FKRP: variants seen among roughly 807,000 people sequenced by gnomAD.
FKRP encodes fukutin related protein.
FKRP carries 25 observed loss-of-function variants against 30.6 expected under a neutral mutation model. That is an observed-to-expected ratio of 0.82 (90% CI 0.60 to 1.14). The LOEUF is 1.14. Ranked by LOEUF, FKRP falls within the 50% of genes most tolerant of loss-of-function variation. The pLI, the probability that FKRP is intolerant of heterozygous loss-of-function variation, is 0.00. For missense variants in FKRP, 771 were observed against 727.8 expected (o/e 1.06, Z -0.68); for synonymous variants, 358 against 342.5 (o/e 1.05, Z -0.50).
In FKRP at chr19:46,752,738, G is replaced by T. The variant is rs180745475; in HGVS notation, c.-39-2674G>T. 1.7e-3 allele frequency among the ~76,000 whole-genome samples: 257 copies of T among 152,280 alleles called. 1 individual carries two copies. The highest frequency in any genetic ancestry group is 5.5e-3 in the African/African-American group (229 of 41,554). The stretch of plus-strand genomic sequence containing the variant: ...AAATTAGCCAGGCACAGTATTGCAT[G>T]CCTGTAGTCCCAGCTACTCGGGAGA... On this transcript the variant is annotated intron_variant, in intron 3 of 3. Coordinates refer to ENST00000318584, the MANE Select transcript of FKRP (RefSeq NM_024301.5).
Position 46,750,491 on chromosome 19 carries a change from G to C in FKRP, c.-40+1826G>C, listed in dbSNP as rs139122383. Among the ~76,000 whole-genome samples the C allele has an allele frequency of 2.8e-3, 419 of 152,282 alleles. 5 individuals carry two copies. Among genetic ancestry groups the C allele is most frequent in the African/African-American group, 9.5e-3 (393 of 41,566 alleles). ...CTCAGAAGCGGAGACCTCGGTTCTCGACCCTGCATCCTTCTTATCTCTCTG... is the reference window on the plus strand; with the variant it reads ...CTCAGAAGCGGAGACCTCGGTTCTCCACCCTGCATCCTTCTTATCTCTCTG... On this transcript the variant is annotated intron_variant, in intron 3 of 3. Transcript: ENST00000318584.
In FKRP at chr19:46,756,126, A is replaced by T. The variant is rs2054913817; in HGVS notation, c.676A>T (p.Thr226Ser). The change falls in exon 4 of 4, where the codon ACC (threonine) becomes TCC (serine). Residue 226 changes from threonine (T) to serine (S), a missense_variant. Coordinates refer to ENST00000318584, the MANE Select transcript of FKRP (RefSeq NM_024301.5). This position sits in a 1 kb window ranked among gnomAD's most constrained non-coding sequence, Gnocchi z 6.6. ...RPVGTSLFLQ[T>S]ALRGWAVQLL... ...GGTGGGCACCAGCCTCTTTCTGCAG[A>T]CCGCCCTTCGCGGCTGGGCGGTGCA... 6.6e-7 allele frequency: 1 copy of T among 1,512,228 alleles called. No individual in the cohort carries two copies. The highest frequency in any genetic ancestry group is 8.8e-7 in the Non-Finnish European group (1 of 1,140,794). 93.7% of individuals were successfully genotyped at this position (1,512,228 alleles called of 1,614,324 possible).
At chr19:46,753,612 G>A (rs1357772979) in intron 3 of FKRP, among the ~76,000 whole-genome samples, 2 of 151,842 alleles carry the variant, frequency 1.3e-5, no homozygotes, top group Non-Finnish European at 2.9e-5. Context: ...TTCTCCCCTG[G>A]GCACTGGGAG....
Position 46,757,228 on chromosome 19 carries a change from C to G in FKRP, c.*290C>G. 1 of 545,116 alleles carries G rather than the reference C, an allele frequency of 1.8e-6. No individual in the cohort carries two copies. Among genetic ancestry groups the G allele is most frequent in the East Asian group, 3.3e-5 (1 of 29,920 alleles). 33.8% of individuals were successfully genotyped at this position (545,116 alleles called of 1,614,324 possible). ...GTCATGGAGGGAGACGGGGATGTCA[C>G]GCCGTCCCGCAGGGCCCAGCACAGC... is the stretch of plus-strand genomic sequence containing the variant. On this transcript the variant is annotated 3_prime_UTR_variant, in exon 4 of 4. Transcript: ENST00000318584.
Position 46,755,749 on chromosome 19 carries a change from G to T in FKRP, c.299G>T (p.Arg100Leu). Residue 100 changes from arginine to leucine, a missense_variant, in exon 4 of 4, where the codon CGT becomes CTT. Transcript: ENST00000318584. ...PLALPRIPNV[R>L]LALLQPALDR... ...GCCCTGCCCCGCATCCCCAACGTGC[G>T]TCTGGCGCTGCTCCAGCCCGCCCTG... is the stretch of plus-strand genomic sequence containing the variant. 1 of 1,551,996 alleles carries T rather than the reference G, an allele frequency of 6.4e-7. No homozygotes were observed. Among genetic ancestry groups the T allele is most frequent in the Non-Finnish European group, 8.7e-7 (1 of 1,155,582 alleles).
At position 46,756,429 on chromosome 19, in the gene FKRP, C is replaced by T. The variant is rs867877678; in HGVS notation, c.979C>T (p.Arg327Cys). ...CCLRALRETA[R>C]YVVGVLEAAG... Reference sequence around the variant, plus strand: ...CCTGCGCGCGCTGCGCGAGACCGCCCGCTATGTGGTGGGCGTGCTGGAGGC... The same window carrying T: ...CCTGCGCGCGCTGCGCGAGACCGCCTGCTATGTGGTGGGCGTGCTGGAGGC... Residue 327 changes from arginine to cysteine, a missense_variant, in exon 4 of 4, where the codon CGC becomes TGC. Transcript: ENST00000318584. This position sits in a 1 kb window ranked among gnomAD's most constrained non-coding sequence, Gnocchi z 6.6. 2 of 1,583,126 alleles carry T rather than the reference C, an allele frequency of 1.3e-6. No individual in the cohort carries two copies. Among genetic ancestry groups the T allele is most frequent in the South Asian group, 2.3e-5 (2 of 87,386 alleles).
chr19:46,752,247 C>T (rs1251658276), intron 3 of FKRP, among the ~76,000 whole-genome samples: 1 of 152,110 alleles, frequency 6.6e-6, no homozygotes, highest in African/African-American at 2.4e-5. Context: ...AGGAACAGAC[C>T]ACAGGAACAG....
At chr19:46,749,711 G>A (rs1286167679) in intron 3 of FKRP, among the ~76,000 whole-genome samples, 3 of 143,432 alleles carry the variant, frequency 2.1e-5, no homozygotes, top group Admixed American at 6.9e-5. Flanking sequence ...GTGACAAAGC[G>A]AGACTCCGTC....
rs987508319 is a variant in FKRP, at chr19:46,750,045, A to G, written c.-40+1380A>G. Among the ~76,000 whole-genome samples, 26 of 152,112 alleles carry G rather than the reference A, an allele frequency of 1.7e-4. No individual in the cohort carries two copies. In the East Asian group the frequency reaches 4.8e-3, roughly 28 times the overall value. ...TTCCATTTTTAAATGTGATCATAAC[A>G]CGAGGATTAAACAAGTGAATATGCC... On this transcript the variant is annotated intron_variant, in intron 3 of 3. Transcript: ENST00000318584.
rs192799451 is a variant in FKRP at position 46,747,756 on chromosome 19, T to C, written c.-252-271T>C. ...AGGTAGAGTGTGTCTATGGAAGGGG[T>C]TGTCATGGTAACAGCTTCTGTTGGC... On this transcript the variant is annotated intron_variant, in intron 1 of 3. Transcript: ENST00000318584. The C allele has an allele frequency of 1.5e-3, 232 of 151,832 alleles. 2 individuals are homozygous for C. The highest frequency in any genetic ancestry group is 1.1e-3 in the Non-Finnish European group (72 of 67,958). The allele number at this position is 151,832 out of a possible 1,614,324, so 9.4% of individuals were successfully genotyped here.
At position 46,755,643 on chromosome 19, in the gene FKRP, G is replaced by C; in HGVS notation, c.193G>C (p.Glu65Gln). The change falls in exon 4 of 4, where the codon GAG becomes CAG. Residue 65 changes from glutamate to glutamine, a missense_variant. Transcript: ENST00000318584. Reference protein sequence around the residue: ...EFEAFDNAVPELVDSFLQQDP... With the variant: ...EFEAFDNAVPQLVDSFLQQDP... ...CGAGGCATTTGACAACGCGGTGCCC[G>C]AGCTGGTAGACTCCTTCCTGCAGCA... 1 of 1,598,990 alleles carries C rather than the reference G, an allele frequency of 6.3e-7. No homozygotes were observed. The highest frequency in any genetic ancestry group is 8.5e-7 in the Non-Finnish European group (1 of 1,177,722).
At position 46,756,325 on chromosome 19, in the gene FKRP, A is replaced by C; in HGVS notation, c.875A>C (p.Glu292Ala). ...CTGGAGTGGTTCGGCTGCAACAAGG[A>C]GACCACGCGCTGCTTCGGAACCGTG... ...GRLEWFGCNKETTRCFGTVVG... is the reference protein window; with the variant it reads ...GRLEWFGCNKATTRCFGTVVG... Residue 292 changes from glutamate to alanine, a missense_variant, in exon 4 of 4, where the codon GAG becomes GCG. Transcript: ENST00000318584. The surrounding 1 kb of genome is among the most constrained non-coding windows in gnomAD (Gnocchi z 6.6). 1.3e-6 allele frequency: 2 copies of C among 1,555,650 alleles called. No homozygotes were observed. Among genetic ancestry groups the C allele is most frequent in the Non-Finnish European group, 1.7e-6 (2 of 1,154,692 alleles).
At chr19:46,746,143 G>A in intron 1 of FKRP, 53 bp downstream of exon 1, 2 of 1,511,638 alleles carry the variant, frequency 1.3e-6, no homozygotes, top group Admixed American at 2.0e-5. Flanking sequence ...CCGGGACAGC[G>A]CTCACCTGTA....
rs1397976746 is a variant in FKRP, at chr19:46,755,848, C to T, written c.398C>T (p.Ala133Val). ...TTTGTGGCCCTAGTACCTGATGGGG[C>T]GCGGGCTGAGGCACCTGGCCTGCTG... ...TEFVALVPDG[A>V]RAEAPGLLER... Residue 133 changes from alanine (A) to valine (V), a missense_variant, in exon 4 of 4, where the codon GCG becomes GTG. Physicochemically the swap from Ala to Val is moderately conservative, Grantham distance 64. Transcript: ENST00000318584. 2 of 1,491,960 alleles carry T rather than the reference C, an allele frequency of 1.3e-6. No homozygotes were observed. The highest frequency in any genetic ancestry group is 2.6e-5 in the South Asian group (2 of 77,228). The allele number at this position is 1,491,960 out of a possible 1,614,324, so 92.4% of individuals were successfully genotyped here.
rs990084219 is a variant in FKRP at position 46,758,463 on chromosome 19, T to C, written c.*1525T>C. ...TTATCTGTATGTTAGTAATAAAGCT[T>C]AAATTATTCCATTTTAAAATTATGA... On this transcript the variant is annotated 3_prime_UTR_variant, in exon 4 of 4. Transcript: ENST00000318584. 3 of 166,996 alleles carry C rather than the reference T, an allele frequency of 1.8e-5. No homozygotes were observed. The highest frequency in any genetic ancestry group is 6.5e-5 in the Admixed American group (1 of 15,274). 10.3% of individuals were successfully genotyped at this position (166,996 alleles called of 1,614,324 possible).
At chr19:46,745,020 A>C, upstream of FKRP, among the ~76,000 whole-genome samples, 2 of 151,190 alleles carry the variant, frequency 1.3e-5, no homozygotes, top group South Asian at 2.1e-4. Flanking sequence ...CCACAAACAT[A>C]TCCCCTTCCC....
At chr19:46,746,533 C>CGGCG (rs2054635651) in intron 1 of FKRP, 1 of 624,994 alleles carries the variant, frequency 1.6e-6, no homozygotes, top group South Asian at 7.1e-5. Context: ...CGCGCGCGCC[C>CGGCG]GGCGGGGGAC....
Position 46,756,584 on chromosome 19 carries a change from G to A in FKRP, c.1134G>A (p.Leu378=), listed in dbSNP as rs1303195847. Residue 378 remains leucine, a synonymous_variant, in exon 4 of 4, where the codon CTG becomes CTA. Transcript: ENST00000318584. The surrounding 1 kb of genome is among the most constrained non-coding windows in gnomAD (Gnocchi z 6.6). The part of the protein sequence containing the change: ...YLEDVGNCEQ[L]RGAEAGSVVD... ...AGGACGTGGGCAACTGCGAGCAGCT[G>A]CGGGGGGCAGAGGCCGGCTCGGTGG... The A allele has an allele frequency of 2.5e-6, 4 of 1,610,372 alleles. No homozygotes were observed. Among genetic ancestry groups the A allele is most frequent in the African/African-American group, 2.7e-5 (2 of 74,912 alleles).
intron 3 of FKRP, among the ~76,000 whole-genome samples, chr19:46,752,896 G>A (rs536101133): frequency 7.4e-4 from 112 of 152,178 alleles, no homozygotes; most frequent in African/African-American, 2.5e-3. Flanking sequence ...GGCTGGGTGT[G>A]GTGGCTCACT....
Sources: gnomAD v4.1 joint callset for allele counts (sites outside exome capture counted in the v4.1 genomes callset) on GRCh38, gnomAD v4.1.1 for gene constraint, Gnocchi (gnomAD v3.1) non-coding constraint, MANE v1.5 for transcripts, NCBI Gene and HGNC (gene_info 2026-07-23, HGNC 2026-07-21) for gene names.